YLPM1: variants seen among roughly 807,000 people sequenced by gnomAD.
YLPM1 encodes the protein YLP motif containing 1, also known as YLP motif-containing protein 1.
In YLPM1, 99 loss-of-function variants were observed where a neutral mutation model predicts 230.0. That is an observed-to-expected ratio of 0.43 (90% confidence interval 0.37 to 0.51). YLPM1 has a LOEUF of 0.51. YLPM1 is among the 20% of genes least tolerant of loss of function. The probability of loss-of-function intolerance (pLI) is 0.00; values close to 1 mark genes in which losing one functional copy is unlikely to be tolerated. For synonymous variants in YLPM1, 984 were observed against 942.5 expected, an observed-to-expected ratio of 1.04 and a Z score of -0.81; for missense variants, 2,592 against 2,707.7, an observed-to-expected ratio of 0.96 and a Z score of 0.95.
rs1478094383 is a variant in YLPM1, at chr14:74,836,096, GT to G, written c.*364del. The G allele has an allele frequency of 7.4e-6, 2 of 270,132 alleles. No homozygotes were observed. Among genetic ancestry groups the G allele is most frequent in the Non-Finnish European group, 1.5e-5 (2 of 136,556 alleles). The allele number at this position is 270,132 out of a possible 1,614,324, so 16.7% of individuals were successfully genotyped here. On this transcript the variant is annotated 3_prime_UTR_variant, in exon 21 of 21. Transcript: ENST00000325680. ...TCATCATTGCTTTGTGGCTGTTTCT[GT>G]TTTTTACTGTATGTAACTGGTAGCT...
At chr14:74,787,734 G>A (rs1301222010) in intron 4 of YLPM1, among the ~76,000 whole-genome samples, 1 of 152,064 alleles carries the variant, frequency 6.6e-6, no homozygotes, top group African/African-American at 2.4e-5. Flanking sequence ...GAATAAAGGG[G>A]CCGGGCATGG....
intron 19 of YLPM1, among the ~76,000 whole-genome samples, chr14:74,830,578 A>C (rs572919985): frequency 3.9e-5 from 6 of 152,300 alleles, no homozygotes; most frequent in African/African-American, 1.4e-4. Flanking sequence ...TTGCGTTGCT[A>C]TAAAGGAATA....
At position 74,782,060 on chromosome 14, in the gene YLPM1, A is replaced by C; in HGVS notation, c.2017A>C (p.Thr673Pro). The change falls in exon 4 of 21, where the codon ACT becomes CCT. Residue 673 changes from threonine (T) to proline (P), a missense_variant. Around this residue, in one of 4 missense-constraint regions of YLPM1, gnomAD observed 1,862 missense variants for 1,819.8 expected, o/e 1.02. Transcript: ENST00000325680. ...PEKPRPALLP[T>P]PVSFGSAPPT... is the part of the protein sequence containing the mutation. ...GAAACCTAGACCAGCACTGCTTCCT[A>C]CTCCTGTGTCTTTTGGTTCTGCCCC... is the stretch of plus-strand genomic sequence containing the variant. 1 of 1,613,258 alleles carries C rather than the reference A, an allele frequency of 6.2e-7. No homozygotes were observed. The highest frequency in any genetic ancestry group is 1.7e-5 in the Admixed American group (1 of 59,958).
chr14:74,763,940 C>A lies in YLPM1; in HGVS notation c.451C>A (p.Pro151Thr), dbSNP rs201818656. 4 of 1,185,462 alleles carry A rather than the reference C, an allele frequency of 3.4e-6. No homozygotes were observed. Among genetic ancestry groups the A allele is most frequent in the Admixed American group, 2.9e-5 (1 of 34,248 alleles). 73.4% of individuals were successfully genotyped at this position (1,185,462 alleles called of 1,614,324 possible). ...MELESPPESP[P>T]VPPGSYMPPS... The stretch of plus-strand genomic sequence containing the variant: ...GCTGGAATCCCCCCCTGAATCTCCC[C>A]CTGTGCCGCCTGGGTCCTATATGCC... The change falls in exon 1 of 21, where the codon CCT becomes ACT. Residue 151 changes from proline to threonine, a missense_variant. This residue lies in a region of YLPM1 where 1,862 missense variants were observed against 1,819.8 expected (regional missense o/e 1.02). Coordinates refer to ENST00000325680, the MANE Select transcript of YLPM1 (RefSeq NM_019589.3).
rs200709209 is a variant in YLPM1, at chr14:74,809,391, G to T, written c.4533G>T (p.Ser1511=). The change falls in exon 7 of 21, where the codon TCG becomes TCT. Residue 1511 remains serine, a synonymous_variant. Transcript: ENST00000325680. ...SRPGMYPPPG[S]YRPPPPMGKP... ...ATTCTGTTCTCTAGCCTCCAGGGTC[G>T]TATAGACCTCCCCCTCCTATGGGCA... 1.2e-6 allele frequency: 2 copies of T among 1,608,082 alleles called. No individual in the cohort carries two copies. The highest frequency in any genetic ancestry group is 8.5e-7 in the Non-Finnish European group (1 of 1,176,996).
At chr14:74,797,522 G>A in intron 4 of YLPM1, 58 bp from the exon 5 acceptor site, 2 of 1,367,816 alleles carry the variant, frequency 1.5e-6, no homozygotes, top group Non-Finnish European at 1.9e-6. Context: ...ATTCTTACAT[G>A]GAGAATTTTT....
intron 1 of YLPM1, among the ~76,000 whole-genome samples, chr14:74,771,382 G>A (rs2090974632): frequency 6.6e-6 from 1 of 152,214 alleles, no homozygotes; most frequent in Non-Finnish European, 1.5e-5. Flanking sequence ...ATTAAGCCTA[G>A]CTCCACAAAT....
Position 74,781,324 on chromosome 14 carries a change from T to G in YLPM1, c.1291-10T>G, listed in dbSNP as rs773166068. On this transcript the variant is annotated splice_polypyrimidine_tract_variant and intron_variant, in intron 3 of 20. Coordinates refer to ENST00000325680, the MANE Select transcript of YLPM1 (RefSeq NM_019589.3). ...ATGGTTTTAAATAGTTTTTATCCCT[T>G]TATTTGTAGACCATGTCTGTAGATA... 4 of 1,524,242 alleles carry G rather than the reference T, an allele frequency of 2.6e-6. No homozygotes were observed. The African/African-American group carries it at 4.2e-5, about 16-fold the overall frequency. 94.4% of individuals were successfully genotyped at this position (1,524,242 alleles called of 1,614,324 possible).
chr14:74,770,540 A>T (rs2090968706), intron 1 of YLPM1, among the ~76,000 whole-genome samples: 1 of 150,764 alleles, frequency 6.6e-6, no homozygotes, highest in South Asian at 2.1e-4. Context: ...TGGGAGGATC[A>T]CTTGAACCCA....
chr14:74,782,058 C>G lies in YLPM1; in HGVS notation c.2015C>G (p.Pro672Arg). ...VPEKPRPALL[P>R]TPVSFGSAPP... is the part of the protein sequence containing the mutation. Reference sequence around the variant, plus strand: ...GAGAAACCTAGACCAGCACTGCTTCCTACTCCTGTGTCTTTTGGTTCTGCC... The same window carrying G: ...GAGAAACCTAGACCAGCACTGCTTCGTACTCCTGTGTCTTTTGGTTCTGCC... The change falls in exon 4 of 21, where the codon CCT (proline) becomes CGT (arginine). Residue 672 changes from proline to arginine, a missense_variant. Coordinates refer to ENST00000325680, the MANE Select transcript of YLPM1 (RefSeq NM_019589.3). 6.2e-7 allele frequency: 1 copy of G among 1,614,030 alleles called. No homozygotes were observed. Among genetic ancestry groups the G allele is most frequent in the Non-Finnish European group, 8.5e-7 (1 of 1,179,892 alleles).
intron 1 of YLPM1, among the ~76,000 whole-genome samples, chr14:74,769,796 T>G (rs920527736): frequency 6.6e-6 from 1 of 151,716 alleles, no homozygotes; most frequent in Non-Finnish European, 1.5e-5. Flanking sequence ...ATCCCAGTTC[T>G]TTGGGCTCAT....
At chr14:74,793,275 G>A (rs933822070) in intron 4 of YLPM1, among the ~76,000 whole-genome samples, 2 of 151,568 alleles carry the variant, frequency 1.3e-5, no homozygotes, top group African/African-American at 4.8e-5. Flanking sequence ...TTTTTCTCTC[G>A]TTTTCTGTTT....
chr14:74,768,963 G>A (rs2090943213), intron 1 of YLPM1, among the ~76,000 whole-genome samples: 1 of 152,016 alleles, frequency 6.6e-6, no homozygotes, highest in Non-Finnish European at 1.5e-5. Context: ...ATAGGAGGTG[G>A]AGAACAAATA....
At chr14:74,809,337 T>C in intron 6 of YLPM1, 43 bp from the exon 7 acceptor site, 2 of 1,545,042 alleles carry the variant, frequency 1.3e-6, no homozygotes, top group African/African-American at 2.8e-5. Flanking sequence ...TATAAAAACA[T>C]AGTGGTATAC....
intron 18 of YLPM1, chr14:74,827,758 A>G (rs1341970824): frequency 1.0e-6 from 1 of 985,278 alleles, no homozygotes; most frequent in African/African-American, 1.7e-5. Context: ...AACCAAGAAC[A>G]GTTTTATTGT....
intron 19 of YLPM1, among the ~76,000 whole-genome samples, chr14:74,834,459 TAGTC>T (rs1252836626): frequency 6.6e-6 from 1 of 152,214 alleles, no homozygotes; most frequent in African/African-American, 2.4e-5. Context: ...AGGGTGTTGA[TAGTC>T]TGTTAGGGAA....
chr14:74,787,537 G>C (rs2091161602), intron 4 of YLPM1, among the ~76,000 whole-genome samples: 1 of 151,922 alleles, frequency 6.6e-6, no homozygotes, highest in African/African-American at 2.4e-5. Flanking sequence ...ACTCCAGCCT[G>C]GGCGACAGAG....
In YLPM1 at chr14:74,818,249, A is replaced by G. The variant is rs1378192264; in HGVS notation, c.5965A>G (p.Thr1989Ala). Residue 1989 changes from threonine to alanine, a missense_variant, in exon 16 of 21, where the codon ACT becomes GCT. Coordinates refer to ENST00000325680, the MANE Select transcript of YLPM1 (RefSeq NM_019589.3). ...EINKMADHWE[T>A]APRHMMRLDI... is the part of the protein sequence containing the mutation. ...TCAATAGATGGCTGATCACTGGGAAACTGCACCTCGTCACATGATGCGTCT... is the reference window on the plus strand; with the variant it reads ...TCAATAGATGGCTGATCACTGGGAAGCTGCACCTCGTCACATGATGCGTCT... The G allele has an allele frequency of 5.6e-6, 9 of 1,603,472 alleles. No homozygotes were observed. Among genetic ancestry groups the G allele is most frequent in the Non-Finnish European group, 7.7e-6 (9 of 1,175,220 alleles).
Position 74,799,512 on chromosome 14 carries a change from G to T in YLPM1, c.4215G>T (p.Trp1405Cys), listed in dbSNP as rs1438228490. ...AAAGAGAACGGTTGTCAGACAGATGGTACCCATCTGATGTGGATAGACATT... is the reference window on the plus strand; with the variant it reads ...AAAGAGAACGGTTGTCAGACAGATGTTACCCATCTGATGTGGATAGACATT... ...DWERERLSDRWYPSDVDRHSP... is the reference protein window; with the variant it reads ...DWERERLSDRCYPSDVDRHSP... The change falls in exon 5 of 21, where the codon TGG becomes TGT. Residue 1405 changes from tryptophan to cysteine, a missense_variant. Coordinates refer to ENST00000325680, the MANE Select transcript of YLPM1 (RefSeq NM_019589.3). 1 of 1,613,998 alleles carries T rather than the reference G, an allele frequency of 6.2e-7. No individual in the cohort carries two copies. The highest frequency in any genetic ancestry group is 8.5e-7 in the Non-Finnish European group (1 of 1,179,892).
Sources: allele counts gnomAD v4.1 joint callset (sites outside exome capture counted in the v4.1 genomes callset), GRCh38; gene constraint gnomAD v4.1.1; regional missense constraint gnomAD v4.1.1; transcripts MANE v1.5; gene names NCBI Gene and HGNC (gene_info 2026-07-23, HGNC 2026-07-21).